DTWD2: variants seen among roughly 807,000 people sequenced by gnomAD.
DTWD2 encodes the protein DTW motif tRNA-uridine aminocarboxypropyltransferase 2, also known as tRNA-uridine aminocarboxypropyltransferase 2.
A neutral mutation model predicts 31.8 loss-of-function variants in DTWD2; 39 were observed. That is an observed-to-expected ratio of 1.22 (90% CI 0.95 to 1.60). DTWD2 has a LOEUF of 1.60. Ranked by LOEUF, DTWD2 falls within the 40% of genes most tolerant of loss-of-function variation. The pLI is 0.00. For synonymous variants in DTWD2, 180 were observed against 142.8 expected (o/e 1.26, Z -1.86); for missense variants, 515 against 381.5 (o/e 1.35, Z -2.92).
chr5:118,913,335 A>G lies in DTWD2; in HGVS notation c.597+15202T>C, dbSNP rs539480546. Among the ~76,000 whole-genome samples, 12 of 151,018 alleles carry G rather than the reference A, an allele frequency of 7.9e-5. No homozygotes were observed. In the East Asian group the frequency reaches 2.1e-3, roughly 27 times the overall value. On this transcript the variant is annotated intron_variant, in intron 4 of 5. Transcript: ENST00000510708. ...AACTGTAACTCTTCCCTGGGTCTTCAGCCTATTGGTATACTCTGCAAATTT... is the reference window on the plus strand; with the variant it reads ...AACTGTAACTCTTCCCTGGGTCTTCGGCCTATTGGTATACTCTGCAAATTT...
At chr5:118,971,848 G>A (rs1207763310) in intron 1 of DTWD2, among the ~76,000 whole-genome samples, 2 of 152,086 alleles carry the variant, frequency 1.3e-5, no homozygotes, top group Non-Finnish European at 2.9e-5. Context: ...ACAACTACAT[G>A]GAAATTGAAC....
At chr5:118,948,517 G>C (rs993312357) in intron 1 of DTWD2, among the ~76,000 whole-genome samples, 4 of 152,070 alleles carry the variant, frequency 2.6e-5, no homozygotes, top group Non-Finnish European at 5.9e-5. Flanking sequence ...TGATCAGGGT[G>C]GGGAACAGGA....
At chr5:118,843,225 G>C (rs969932129) in intron 5 of DTWD2, among the ~76,000 whole-genome samples, 1 of 151,764 alleles carries the variant, frequency 6.6e-6, no homozygotes, top group African/African-American at 2.4e-5. Context: ...AAAGTGCTGG[G>C]ATTACAGGTG....
intron 4 of DTWD2, among the ~76,000 whole-genome samples, chr5:118,860,361 T>C (rs1752233561): frequency 6.6e-6 from 1 of 151,526 alleles, no homozygotes; most frequent in South Asian, 2.1e-4. Context: ...CTAAATATCA[T>C]TCCTTTTCAT....
intron 4 of DTWD2, among the ~76,000 whole-genome samples, chr5:118,866,048 G>A (rs1752374955): frequency 6.6e-6 from 1 of 151,696 alleles, no homozygotes; most frequent in African/African-American, 2.4e-5. Flanking sequence ...GTGATTTCTG[G>A]GAAGGAGAGT....
At chr5:118,843,274 A>C (rs993214625) in intron 5 of DTWD2, among the ~76,000 whole-genome samples, 1 of 151,664 alleles carries the variant, frequency 6.6e-6, no homozygotes. Context: ...AATGAAAGAA[A>C]AGAAAGAAAA....
chr5:118,931,317 C>A (rs1212304055), intron 3 of DTWD2, among the ~76,000 whole-genome samples: 1 of 151,118 alleles, frequency 6.6e-6, no homozygotes, highest in Non-Finnish European at 1.5e-5. Context: ...ATCGCTTGAG[C>A]CTGGGAGGTC....
intron 4 of DTWD2, among the ~76,000 whole-genome samples, chr5:118,917,135 A>C (rs764818517): frequency 1.3e-5 from 2 of 152,242 alleles, no homozygotes; most frequent in Non-Finnish European, 2.9e-5. Context: ...CCAAGTATCA[A>C]GATAGTTGAG....
chr5:118,944,613 T>C lies in DTWD2; in HGVS notation c.255A>G (p.Pro85=), dbSNP rs1326714972. 6.2e-7 allele frequency: 1 copy of C among 1,613,436 alleles called. No individual in the cohort carries two copies. Among genetic ancestry groups the C allele is most frequent in the Non-Finnish European group, 8.5e-7 (1 of 1,179,778 alleles). The change falls in exon 2 of 6, where the codon CCA becomes CCG. Residue 85 remains proline, a synonymous_variant. Transcript: ENST00000510708. ...PQKVCLCPFL[P]AHPLHISTHL... is the part of the protein sequence containing the mutation. Reference sequence around the variant, plus strand: ...GGGTAGAGATATGCAGAGGGTGCGCTGGGAGAAATGGACACAAACACACTT... The same window carrying C: ...GGGTAGAGATATGCAGAGGGTGCGCCGGGAGAAATGGACACAAACACACTT...
At chr5:118,929,548 G>A (rs759647600) in intron 3 of DTWD2, among the ~76,000 whole-genome samples, 1 of 150,366 alleles carries the variant, frequency 6.7e-6, no homozygotes, top group South Asian at 2.1e-4. Context: ...GGGTCTCTCT[G>A]AATCTGCTGT....
chr5:118,986,241 T>C (rs1246930622), intron 1 of DTWD2, among the ~76,000 whole-genome samples: 1 of 152,128 alleles, frequency 6.6e-6, no homozygotes, highest in East Asian at 1.9e-4. Flanking sequence ...AGGAAAGGTA[T>C]TCTAAGAGGT....
intron 4 of DTWD2, among the ~76,000 whole-genome samples, chr5:118,870,963 T>A (rs1157674898): frequency 2.7e-5 from 4 of 149,458 alleles, no homozygotes; most frequent in East Asian, 1.9e-4. Flanking sequence ...ATATAACATA[T>A]AACTAAGCTT....
At chr5:118,912,825 C>T (rs943328752) in intron 4 of DTWD2, among the ~76,000 whole-genome samples, 23 of 152,108 alleles carry the variant, frequency 1.5e-4, no homozygotes, top group Admixed American at 9.2e-4. Flanking sequence ...ATTAAAGGAA[C>T]GTAGCTGAAC....
intron 4 of DTWD2, among the ~76,000 whole-genome samples, chr5:118,891,351 T>C (rs925670716): frequency 6.6e-6 from 1 of 152,106 alleles, no homozygotes; most frequent in African/African-American, 2.4e-5. Context: ...CATAATCATA[T>C]CAGCTGCCTA....
intron 3 of DTWD2, 141 bp from the exon 4 acceptor site, chr5:118,928,870 G>A (rs1753864526): frequency 7.3e-6 from 5 of 687,734 alleles, no homozygotes; most frequent in Non-Finnish European, 1.1e-5. Flanking sequence ...TATAAAGTAT[G>A]AATTAAAAAG....
intron 4 of DTWD2, among the ~76,000 whole-genome samples, chr5:118,848,978 T>A (rs1751932645): frequency 6.6e-6 from 1 of 152,168 alleles, no homozygotes; most frequent in African/African-American, 2.4e-5. Context: ...AAAGACTTTA[T>A]GACTAAAACA....
At chr5:118,978,510 G>A (rs529353715) in intron 1 of DTWD2, among the ~76,000 whole-genome samples, 2 of 152,068 alleles carry the variant, frequency 1.3e-5, no homozygotes, top group East Asian at 3.9e-4. Flanking sequence ...AGTCCACAAG[G>A]AATTTTAAAT....
chr5:118,982,770 C>T (rs1156642175), intron 1 of DTWD2, among the ~76,000 whole-genome samples: 1 of 147,388 alleles, frequency 6.8e-6, no homozygotes. Context: ...CTCACTGCAA[C>T]CTCCGCCTCC....
At chr5:118,859,056 C>T (rs1752200385) in intron 4 of DTWD2, among the ~76,000 whole-genome samples, 1 of 152,160 alleles carries the variant, frequency 6.6e-6, no homozygotes, top group Admixed American at 6.5e-5. Flanking sequence ...AACACCCTGA[C>T]CCCTCCATAA....
Sources: allele counts gnomAD v4.1 joint callset (sites outside exome capture counted in the v4.1 genomes callset), GRCh38; gene constraint gnomAD v4.1.1; transcripts MANE v1.5; gene names NCBI Gene and HGNC (gene_info 2026-07-23, HGNC 2026-07-21).